SLC71A2: variants seen among roughly 807,000 people sequenced by gnomAD.
The protein encoded by SLC71A2 is hippocampus abundant transcript-like 1.
the SLC71A2 span, among the ~76,000 whole-genome samples, chr9:94,383,277 C>T: frequency 4.4e-3 from 664 of 150,716 alleles, 3 homozygotes; most frequent in African/African-American, 0.016. Context: ...ATTCTCCTGC[C>T]TCAGCCTCCT....
the SLC71A2 span, among the ~76,000 whole-genome samples, chr9:94,421,648 G>T: frequency 6.6e-6 from 1 of 152,162 alleles, no homozygotes; most frequent in Non-Finnish European, 1.5e-5. Flanking sequence ...ACCATTTTCT[G>T]TGACTGTTCC....
At chr9:94,387,344 A>AAG in the SLC71A2 span, among the ~76,000 whole-genome samples, 1 of 152,214 alleles carries the variant, frequency 6.6e-6, no homozygotes, top group East Asian at 1.9e-4. Flanking sequence ...ATGAGGCAGA[A>AAG]TAACTAAGCA....
chr9:94,417,451 A>C, the SLC71A2 span, among the ~76,000 whole-genome samples: 1 of 151,992 alleles, frequency 6.6e-6, no homozygotes, highest in Non-Finnish European at 1.5e-5. Context: ...AACATGGTGA[A>C]ACCCAGTCTG....
At chr9:94,456,926 C>T in the SLC71A2 span, among the ~76,000 whole-genome samples, 1 of 151,904 alleles carries the variant, frequency 6.6e-6, no homozygotes, top group African/African-American at 2.4e-5. Flanking sequence ...GTCTTGTCCT[C>T]CCTCCATCCC....
the SLC71A2 span, among the ~76,000 whole-genome samples, chr9:94,447,135 A>AT: frequency 6.6e-5 from 10 of 151,496 alleles, no homozygotes; most frequent in Non-Finnish European, 4.4e-5. Flanking sequence ...TACTGTGGAA[A>AT]TTTTTTTTTC....
chr9:94,382,014 C>T, the SLC71A2 span, among the ~76,000 whole-genome samples: 4 of 151,666 alleles, frequency 2.6e-5, no homozygotes, highest in African/African-American at 9.7e-5. Flanking sequence ...CATTCAGTAT[C>T]TTTCCATAAG....
chr9:94,460,400 A>G, the SLC71A2 span: 1 of 152,536 alleles, frequency 6.6e-6, no homozygotes, highest in Non-Finnish European at 1.5e-5. Flanking sequence ...CTGAGTATGC[A>G]TTTGTTTTCA....
the SLC71A2 span, chr9:94,458,244 T>C: frequency 7.7e-7 from 1 of 1,306,814 alleles, no homozygotes; most frequent in Non-Finnish European, 1.1e-6. Flanking sequence ...ATCATGGTTA[T>C]GAGAAAGTAC....
chr9:94,418,233 G>T, the SLC71A2 span, among the ~76,000 whole-genome samples: 1 of 151,720 alleles, frequency 6.6e-6, no homozygotes, highest in African/African-American at 2.4e-5. Context: ...TTATTTTTTT[G>T]CCAATTGTTT....
chr9:94,446,587 G>T, the SLC71A2 span, among the ~76,000 whole-genome samples: 1 of 151,882 alleles, frequency 6.6e-6, no homozygotes, highest in African/African-American at 2.4e-5. Context: ...ATGAGTAAGT[G>T]TGTTTTGTGG....
chr9:94,442,923 A>G, the SLC71A2 span, among the ~76,000 whole-genome samples: 3 of 152,080 alleles, frequency 2.0e-5, no homozygotes, highest in Non-Finnish European at 4.4e-5. Flanking sequence ...AAGAAAAAAC[A>G]AAAACAAGAA....
the SLC71A2 span, among the ~76,000 whole-genome samples, chr9:94,435,241 A>T: frequency 6.6e-6 from 1 of 152,296 alleles, no homozygotes. Flanking sequence ...TAATGACCTT[A>T]ACTGTGTCAC....
the SLC71A2 span, among the ~76,000 whole-genome samples, chr9:94,389,245 A>G: frequency 1.4e-5 from 2 of 147,520 alleles, no homozygotes; most frequent in African/African-American, 5.0e-5. Context: ...ATCTCAATTT[A>G]TGCCTTTTGT....
At chr9:94,403,948 A>G in the SLC71A2 span, among the ~76,000 whole-genome samples, 2 of 152,024 alleles carry the variant, frequency 1.3e-5, no homozygotes, top group Non-Finnish European at 2.9e-5. Flanking sequence ...GCCTTTTGGG[A>G]AGGGTTTATG....
chr9:94,416,587 GCTCACGCC>G, the SLC71A2 span, among the ~76,000 whole-genome samples: 1 of 152,204 alleles, frequency 6.6e-6, no homozygotes, highest in Non-Finnish European at 1.5e-5. Flanking sequence ...TGGTGCGGTG[GCTCACGCC>G]TGTAATCCCA....
At chr9:94,454,450 CTCTACCACCCGGAT>C in the SLC71A2 span, among the ~76,000 whole-genome samples, 7 of 152,082 alleles carry the variant, frequency 4.6e-5, no homozygotes, top group Non-Finnish European at 8.8e-5. Context: ...TCACTGCAAC[CTCTACCACCCGGAT>C]TCAAGCAGTT....
the SLC71A2 span, among the ~76,000 whole-genome samples, chr9:94,457,626 A>T: frequency 1.3e-5 from 2 of 152,152 alleles, no homozygotes; most frequent in African/African-American, 4.8e-5. Context: ...TCCGTGGAGG[A>T]CTGTCACTGC....
At chr9:94,443,244 C>T in the SLC71A2 span, among the ~76,000 whole-genome samples, 5 of 152,152 alleles carry the variant, frequency 3.3e-5, no homozygotes, top group African/African-American at 1.2e-4. Flanking sequence ...AATCAGTGAG[C>T]GCACACATCC....
At chr9:94,439,661 C>T in the SLC71A2 span, among the ~76,000 whole-genome samples, 1 of 151,104 alleles carries the variant, frequency 6.6e-6, no homozygotes, top group African/African-American at 2.4e-5. Context: ...TTATTTTCTA[C>T]GAGTTGAAGA....
Sources: gnomAD v4.1 joint callset for allele counts (sites outside exome capture counted in the v4.1 genomes callset) on GRCh38, gnomAD v4.1.1 for gene constraint, MANE v1.5 for transcripts, NCBI Gene and HGNC (gene_info 2026-07-23, HGNC 2026-07-21) for gene names.